MYLK3: variants seen among roughly 807,000 people sequenced by gnomAD.
The protein encoded by MYLK3 is MLC kinase.
MYLK3 carries 55 observed loss-of-function variants against 76.3 expected under a neutral mutation model. The observed-to-expected ratio is 0.72, with a 90% CI of 0.58 to 0.90. The LOEUF is 0.90. Among genes scored for constraint, MYLK3 ranks in the 40% least tolerant of loss-of-function variants. The pLI is 0.00. For missense variants in MYLK3, 973 were observed against 1,053.6 expected (o/e 0.92, Z 1.06); for synonymous variants, 416 against 425.4 (o/e 0.98, Z 0.27).
chr16:46,728,446 T>C (rs150311347), intron 7 of MYLK3, among the ~76,000 whole-genome samples: 1 of 152,060 alleles, frequency 6.6e-6, no homozygotes, highest in Non-Finnish European at 1.5e-5. Context: ...ATAGGCAGAG[T>C]GTGGTGGCTC....
intron 1 of MYLK3, chr16:46,757,335 T>G: frequency 1.0e-6 from 1 of 976,122 alleles, no homozygotes. Context: ...GGGGAACAAC[T>G]GTCACCAGGT....
chr16:46,709,451 A>AG, intron 12 of MYLK3, 88 bp downstream of exon 12: 1 of 1,459,412 alleles, frequency 6.9e-7, no homozygotes, highest in Non-Finnish European at 9.2e-7. Context: ...AAGAAAAAAA[A>AG]AAAAAGAAAA....
intron 1 of MYLK3, among the ~76,000 whole-genome samples, chr16:46,753,403 G>A (rs1489504232): frequency 1.3e-5 from 2 of 152,226 alleles, no homozygotes; most frequent in African/African-American, 4.8e-5. Context: ...TTCCTCAGGA[G>A]CGTCCCACCT....
At position 46,727,424 on chromosome 16, in the gene MYLK3, T is replaced by C. The variant is rs537910868; in HGVS notation, c.1773-47A>G. ...CAGGCACCAGCCTAAGCAAGGCTCT[T>C]CAGGGCTTGTCCACTGTCATTATAG... On this transcript the variant is annotated intron_variant, in intron 7 of 12. Coordinates refer to ENST00000394809, the MANE Select transcript of MYLK3 (RefSeq NM_182493.3). 1.1e-5 allele frequency: 17 copies of C among 1,564,160 alleles called. No individual in the cohort carries two copies. The African/African-American group carries it at 2.3e-4, about 21-fold the overall frequency.
At chr16:46,715,622 G>T (rs1256753471) in intron 9 of MYLK3, among the ~76,000 whole-genome samples, 1 of 152,124 alleles carries the variant, frequency 6.6e-6, no homozygotes, top group Non-Finnish European at 1.5e-5. Context: ...CTCCCAAAAT[G>T]TTTAAGATAA....
At position 46,710,756 on chromosome 16, in the gene MYLK3, T is replaced by C. The variant is rs1966674718; in HGVS notation, c.2148A>G (p.Thr716=). The C allele has an allele frequency of 1.2e-6, 2 of 1,614,006 alleles. No homozygotes were observed. Among genetic ancestry groups the C allele is most frequent in the Non-Finnish European group, 1.7e-6 (2 of 1,180,038 alleles). The change falls in exon 11 of 13, where the codon ACA becomes ACG. Residue 716 remains threonine (T), a synonymous_variant. Coordinates refer to ENST00000394809, the MANE Select transcript of MYLK3 (RefSeq NM_182493.3). ...CAATGAAATTCATGGTCTCTGCATC[T>C]GTTTCCCCTAGAAATGGGGACAAGC... The part of the protein sequence containing the change: ...LSGLSPFLGE[T]DAETMNFIVN...
exon 1 of MYLK3, chr16:46,763,146 T>G: frequency 4.1e-6 from 4 of 984,616 alleles, no homozygotes; most frequent in Non-Finnish European, 4.8e-6. Context: ...CAGACAAACT[T>G]AAACCTGGAG....
At chr16:46,755,563 T>C (rs528133743) in intron 1 of MYLK3, among the ~76,000 whole-genome samples, 166 of 149,826 alleles carry the variant, frequency 1.1e-3, no homozygotes, top group South Asian at 7.8e-3. Context: ...GGAAAAAGAG[T>C]GTACAATAGA....
intron 2 of MYLK3, among the ~76,000 whole-genome samples, 187 bp from the exon 3 acceptor site, chr16:46,738,330 C>T (rs1038889242): frequency 5.3e-5 from 8 of 152,088 alleles, no homozygotes; most frequent in African/African-American, 1.9e-4. Flanking sequence ...GCGGCACAGC[C>T]GTGAAAAAGG....
intron 3 of MYLK3, 115 bp from the exon 4 acceptor site, chr16:46,732,783 T>C (rs1190588865): frequency 8.5e-6 from 7 of 821,850 alleles, no homozygotes; most frequent in Admixed American, 3.2e-5. Context: ...GGGGCCCTGC[T>C]AGACAGGACA....
intron 1 of MYLK3, among the ~76,000 whole-genome samples, chr16:46,758,676 A>G (rs1356344286): frequency 6.6e-6 from 1 of 152,180 alleles, no homozygotes; most frequent in East Asian, 1.9e-4. Context: ...TATTTTGTAG[A>G]TGGAGATTCT....
chr16:46,709,417 G>A (rs1283291875), intron 12 of MYLK3, 122 bp downstream of exon 12: 2 of 1,116,156 alleles, frequency 1.8e-6, no homozygotes, highest in Non-Finnish European at 2.5e-6. Context: ...GCAAGACCCT[G>A]TCTATAAAAA....
chr16:46,709,501 T>A (rs759173128), intron 12 of MYLK3, 38 bp downstream of exon 12: 1 of 1,593,756 alleles, frequency 6.3e-7, no homozygotes, highest in South Asian at 1.1e-5. Context: ...CAGATTAGGA[T>A]GACAAATTCC....
At chr16:46,717,991 T>C (rs773878853) in intron 9 of MYLK3, among the ~76,000 whole-genome samples, 21 of 152,316 alleles carry the variant, frequency 1.4e-4, no homozygotes, top group South Asian at 4.1e-4. Context: ...ATGTGCATTC[T>C]CAGTGAAGAC....
Position 46,756,602 on chromosome 16 carries a change from A to C in MYLK3, c.-114+6438T>G, listed in dbSNP as rs149281526. Among the ~76,000 whole-genome samples, 97 of 152,130 alleles carry C rather than the reference A, an allele frequency of 6.4e-4. 1 individual carries two copies. The East Asian group carries it at 0.019, about 29-fold the overall frequency. On this transcript the variant is annotated intron_variant, in intron 1 of 11. Transcript: ENST00000536476. The stretch of plus-strand genomic sequence containing the variant: ...TAACAGTCGTGTTGCAGCGTGTAGC[A>C]GTGAAAGGTCTTGTTCTAACAAAAT...
chr16:46,746,064 G>A (rs1967015703), intron 1 of MYLK3, among the ~76,000 whole-genome samples: 1 of 152,046 alleles, frequency 6.6e-6, no homozygotes, highest in African/African-American at 2.4e-5. Flanking sequence ...TCGTGACTCT[G>A]TATGTGCCAG....
intron 3 of MYLK3, 120 bp from the exon 4 acceptor site, chr16:46,732,788 AG>A: frequency 2.6e-6 from 2 of 782,624 alleles, no homozygotes; most frequent in South Asian, 4.2e-5. Context: ...CCTGCTAGAC[AG>A]GACACCAGGG....
intron 1 of MYLK3, among the ~76,000 whole-genome samples, chr16:46,762,333 T>TA (rs1266149996): frequency 6.6e-6 from 1 of 152,220 alleles, no homozygotes; most frequent in African/African-American, 2.4e-5. Flanking sequence ...ATTTTTCTAA[T>TA]AAAAAATTAA....
intron 1 of MYLK3, among the ~76,000 whole-genome samples, chr16:46,754,084 G>T (rs1030112375): frequency 6.6e-6 from 1 of 152,088 alleles, no homozygotes; most frequent in Non-Finnish European, 1.5e-5. Flanking sequence ...ATAGGGATTC[G>T]AAGATGAAGC....
Sources: allele counts gnomAD v4.1 joint callset (sites outside exome capture counted in the v4.1 genomes callset), GRCh38; gene constraint gnomAD v4.1.1; transcripts MANE v1.5; gene names NCBI Gene and HGNC (gene_info 2026-07-23, HGNC 2026-07-21).